PTPRN2: variants seen among roughly 807,000 people sequenced by gnomAD.
The protein encoded by PTPRN2 is protein tyrosine phosphatase receptor type N2, also known as receptor-type tyrosine-protein phosphatase N2.
Under a neutral mutation model 118.8 loss-of-function variants are expected in PTPRN2, and 74 were observed. The ratio of observed to expected loss-of-function variants is 0.62; its 90% CI spans 0.52 to 0.76. PTPRN2 has a LOEUF of 0.76. PTPRN2 is among the 30% of genes least tolerant of loss of function. PTPRN2 has a pLI of 0.00. For missense variants in PTPRN2, 1,481 were observed against 1,394.4 expected (o/e 1.06, Z -0.99); for synonymous variants, 641 against 608.0 (o/e 1.05, Z -0.80).
intron 6 of PTPRN2, among the ~76,000 whole-genome samples, chr7:158,150,411 C>A (rs1402742160): frequency 6.6e-6 from 1 of 152,186 alleles, no homozygotes; most frequent in African/African-American, 2.4e-5. Context: ...TGTCCACCCT[C>A]AGCAGCTCGA....
In PTPRN2 at chr7:157,763,498, T is replaced by G. The variant is rs1032389673; in HGVS notation, c.1789-80561A>C. Among the ~76,000 whole-genome samples, 8 of 152,024 alleles carry G rather than the reference T, an allele frequency of 5.3e-5. No individual in the cohort carries two copies. The highest frequency in any genetic ancestry group is 1.9e-4 in the African/African-American group (8 of 41,386). On this transcript the variant is annotated intron_variant, in intron 12 of 22. Coordinates refer to ENST00000389418, the MANE Select transcript of PTPRN2 (RefSeq NM_002847.5). The surrounding 1 kb of genome is among the most constrained non-coding windows in gnomAD (Gnocchi z 4.9). ...CCTAGCCCCAAACCCCACGGCACAG[T>G]TGGGGATCCTCTCGGCTGGGTCCCC... is the stretch of plus-strand genomic sequence containing the variant.
At chr7:157,688,326 G>A (rs1334754816) in intron 12 of PTPRN2, among the ~76,000 whole-genome samples, 2 of 152,196 alleles carry the variant, frequency 1.3e-5, no homozygotes, top group African/African-American at 4.8e-5. Flanking sequence ...AGACATCAGG[G>A]AAGATTTATG....
At chr7:158,502,821 C>A (rs897954087) in intron 1 of PTPRN2, among the ~76,000 whole-genome samples, 6 of 152,166 alleles carry the variant, frequency 3.9e-5, no homozygotes, top group African/African-American at 1.4e-4. Context: ...ACTACTGTGT[C>A]CATCAACTAC....
At chr7:157,898,628 A>C in intron 12 of PTPRN2, 45 bp downstream of exon 12, 1 of 1,503,234 alleles carries the variant, frequency 6.7e-7, no homozygotes, top group Non-Finnish European at 9.3e-7. Context: ...GCACCCAGAC[A>C]GCACTGCAGA....
chr7:157,769,179 C>T lies in PTPRN2; in HGVS notation c.1789-86242G>A, dbSNP rs373312415. On this transcript the variant is annotated intron_variant, in intron 12 of 22. Coordinates refer to ENST00000389418, the MANE Select transcript of PTPRN2 (RefSeq NM_002847.5). ...ACCGAGGGCAGCGGTTGAATGTCCT[C>T]ATTATTCCGCCCCCCACACGCTTTG... 3.3e-5 allele frequency among the ~76,000 whole-genome samples: 5 copies of T among 152,286 alleles called. No individual in the cohort carries two copies. In the East Asian group the frequency reaches 7.7e-4, roughly 24 times the overall value.
intron 1 of PTPRN2, among the ~76,000 whole-genome samples, chr7:158,540,817 G>A (rs1825945528): frequency 6.6e-6 from 1 of 152,246 alleles, no homozygotes; most frequent in African/African-American, 2.4e-5. Context: ...CCATCGACCT[G>A]TGGGGTTAGC....
chr7:157,983,786 G>A (rs1478591737), intron 11 of PTPRN2, among the ~76,000 whole-genome samples: 1 of 152,200 alleles, frequency 6.6e-6, no homozygotes, highest in Admixed American at 6.5e-5. Flanking sequence ...GGAGCGTTAC[G>A]GACAACTGTT....
intron 14 of PTPRN2, among the ~76,000 whole-genome samples, chr7:157,636,314 G>A (rs1330727496): frequency 6.6e-6 from 1 of 152,134 alleles, no homozygotes; most frequent in Admixed American, 6.5e-5. Context: ...AGGGAAATAT[G>A]TTAATGAAAG....
chr7:157,757,057 C>T (rs779423400), intron 12 of PTPRN2, among the ~76,000 whole-genome samples: 5 of 152,150 alleles, frequency 3.3e-5, no homozygotes, highest in African/African-American at 4.8e-5. Context: ...AGCAAACGGG[C>T]AGTGGATGGA....
intron 2 of PTPRN2, among the ~76,000 whole-genome samples, chr7:158,334,651 T>C: frequency 1.1e-5 from 1 of 89,778 alleles, no homozygotes; most frequent in East Asian, 3.7e-4. Context: ...ACTCTCACCA[T>C]AATTGGTGAC....
intron 14 of PTPRN2, among the ~76,000 whole-genome samples, chr7:157,652,798 C>T (rs1364543040): frequency 6.6e-6 from 1 of 152,280 alleles, no homozygotes; most frequent in Admixed American, 6.5e-5. Context: ...CCTTCTCTCA[C>T]ACCCTGGCCT....
At chr7:157,573,677 G>A (rs142026807) in intron 19 of PTPRN2, among the ~76,000 whole-genome samples, 2,824 of 152,320 alleles carry the variant, frequency 0.019, 41 homozygotes, top group Non-Finnish European at 0.03. Flanking sequence ...GCAAAATGCA[G>A]TAATAACCCC....
intron 18 of PTPRN2, 25 bp downstream of exon 18, chr7:157,577,996 C>G (rs122004): frequency 0.95 from 1,507,557 of 1,587,656 alleles, 717,102 homozygotes; most frequent in Middle Eastern, 0.99. Flanking sequence ...GTGGGTCCTG[C>G]CCTGGGTGGC....
intron 15 of PTPRN2, among the ~76,000 whole-genome samples, chr7:157,608,501 C>T (rs971057348): frequency 1.3e-5 from 2 of 152,170 alleles, no homozygotes; most frequent in African/African-American, 4.8e-5. Context: ...GGGCGGCAAC[C>T]GTTCCTCGTG....
In PTPRN2 at chr7:158,494,076, T is replaced by C. The variant is rs555998323; in HGVS notation, c.113-4291A>G. Among the ~76,000 whole-genome samples the C allele has an allele frequency of 5.9e-5, 9 of 152,400 alleles. No individual in the cohort carries two copies. The South Asian group carries it at 1.9e-3, about 32-fold the overall frequency. On this transcript the variant is annotated intron_variant, in intron 1 of 22. Transcript: ENST00000389418. ...GATCCAGTTTTGCAAGGAGTCAGGC[T>C]GGATCTGCCTCTCTTACCCCAATCA...
Position 158,513,370 on chromosome 7 carries a change from C to T in PTPRN2, c.113-23585G>A, listed in dbSNP as rs60446657. 3.4e-3 allele frequency among the ~76,000 whole-genome samples: 525 copies of T among 152,240 alleles called. 8 individuals carry two copies. Among genetic ancestry groups the T allele is most frequent in the East Asian group, 0.031 (159 of 5,182 alleles). On this transcript the variant is annotated intron_variant, in intron 1 of 22. Coordinates refer to ENST00000389418, the MANE Select transcript of PTPRN2 (RefSeq NM_002847.5). ...AAGAGGACCCCAGGAGACACGACCA[C>T]GAAATGTATGGTAGAATCCTGGATG...
intron 10 of PTPRN2, among the ~76,000 whole-genome samples, chr7:158,106,942 C>A (rs908829153): frequency 2.6e-5 from 4 of 152,144 alleles, no homozygotes; most frequent in African/African-American, 9.7e-5. Flanking sequence ...TCTTTCAGGT[C>A]TTGGGAGCTT....
chr7:157,809,184 G>A lies in PTPRN2; in HGVS notation c.1788+89489C>T, dbSNP rs1373129951. On this transcript the variant is annotated intron_variant, in intron 12 of 22. Coordinates refer to ENST00000389418, the MANE Select transcript of PTPRN2 (RefSeq NM_002847.5). ...GAGTCAGTCCAAAGAGGAACGTGTT[G>A]CGACAAGCCAGATGCCTTATGGAGC... is the stretch of plus-strand genomic sequence containing the variant. 2.6e-5 allele frequency among the ~76,000 whole-genome samples: 4 copies of A among 152,284 alleles called. No homozygotes were observed. The East Asian group carries it at 7.7e-4, about 29-fold the overall frequency.
chr7:158,291,135 C>T (rs1800095897), intron 3 of PTPRN2, among the ~76,000 whole-genome samples: 1 of 152,198 alleles, frequency 6.6e-6, no homozygotes, highest in African/African-American at 2.4e-5. Context: ...TTCCACCCCA[C>T]TTGGTGATGA....
Sources: allele counts gnomAD v4.1 joint callset (sites outside exome capture counted in the v4.1 genomes callset), GRCh38; gene constraint gnomAD v4.1.1; non-coding constraint Gnocchi (gnomAD v3.1); transcripts MANE v1.5; gene names NCBI Gene and HGNC (gene_info 2026-07-23, HGNC 2026-07-21).